Variants in AAK1 observed in about 807,000 individuals in gnomAD.
AAK1 encodes AP2-associated protein kinase 1.
A neutral mutation model predicts 116.0 loss-of-function variants in AAK1; 37 were observed. The ratio of observed to expected loss-of-function variants is 0.32; its 90% CI spans 0.25 to 0.42. AAK1 has a LOEUF of 0.42. AAK1 is among the 10% of genes least tolerant of loss of function. AAK1 has a pLI of 1.00. For synonymous variants in AAK1, 458 were observed against 439.9 expected, an observed-to-expected ratio of 1.04 and a Z score of -0.51; for missense variants, 919 against 1,170.6, an observed-to-expected ratio of 0.79 and a Z score of 3.14.
intron 13 of AAK1, 133 bp from the exon 14 acceptor site, chr2:69,509,593 TTATCAATAATGCCCA>T (rs1287973428): frequency 2.8e-6 from 2 of 722,062 alleles, no homozygotes; most frequent in African/African-American, 3.6e-5. Context: ...ATGGCTAAGT[TTATCAATAATGCCCA>T]GAAAGAAAAA....
chr2:69,478,936 G>A lies in AAK1; in HGVS notation c.2680+15C>T, dbSNP rs1572878306. ...CTAAGGACACATGTGGGCCTGAGAA[G>A]AAGAAAGCATTTACCTTTATGGACT... On this transcript the variant is annotated intron_variant, in intron 20 of 21. Coordinates refer to ENST00000409085, the MANE Select transcript of AAK1 (RefSeq NM_014911.5). The A allele has an allele frequency of 6.3e-7, 1 of 1,587,496 alleles. No homozygotes were observed. Among genetic ancestry groups the A allele is most frequent in the East Asian group, 2.2e-5 (1 of 44,740 alleles).
intron 3 of AAK1, among the ~76,000 whole-genome samples, chr2:69,549,083 G>T (rs1178959550): frequency 1.3e-5 from 2 of 151,848 alleles, no homozygotes; most frequent in African/African-American, 2.4e-5. Flanking sequence ...TTCTAAACAG[G>T]TAAGGCTGGG....
intron 9 of AAK1, 139 bp from the exon 10 acceptor site, chr2:69,525,251 C>T (rs1669974586): frequency 1.3e-6 from 1 of 761,960 alleles, no homozygotes; most frequent in Non-Finnish European, 2.1e-6. Context: ...AGGCCCTGAG[C>T]TCTGTCTGGT....
At chr2:69,553,594 C>A (rs982596464) in intron 3 of AAK1, among the ~76,000 whole-genome samples, 3 of 151,744 alleles carry the variant, frequency 2.0e-5, no homozygotes, top group African/African-American at 7.3e-5. Context: ...CAGGCACGCA[C>A]TGCCATGCCC....
At chr2:69,489,127 C>T (rs957616565) in intron 17 of AAK1, among the ~76,000 whole-genome samples, 2 of 150,910 alleles carry the variant, frequency 1.3e-5, no homozygotes, top group Admixed American at 6.6e-5. Context: ...ATTACAGGAG[C>T]GAGCCACCAT....
intron 2 of AAK1, among the ~76,000 whole-genome samples, chr2:69,582,410 C>T (rs1044631008): frequency 1.3e-5 from 2 of 151,894 alleles, no homozygotes; most frequent in South Asian, 2.1e-4. Flanking sequence ...TGTGTGTGCG[C>T]GTGTGTGTGC....
chr2:69,505,131 ACACC>A (rs1462266453), intron 16 of AAK1, among the ~76,000 whole-genome samples: 1,131 of 98,858 alleles, frequency 0.011, 21 homozygotes, highest in African/African-American at 0.041. Context: ...GTGCGCACAC[ACACC>A]CACACACACA....
chr2:69,591,004 C>T (rs968249625), intron 2 of AAK1, among the ~76,000 whole-genome samples: 1 of 152,012 alleles, frequency 6.6e-6, no homozygotes, highest in Non-Finnish European at 1.5e-5. Flanking sequence ...AAGTTTTTTG[C>T]GAACAGATTT....
At chr2:69,575,792 G>A (rs1358080958) in intron 2 of AAK1, among the ~76,000 whole-genome samples, 1 of 152,148 alleles carries the variant, frequency 6.6e-6, no homozygotes, top group Non-Finnish European at 1.5e-5. Flanking sequence ...TTTAAATAAA[G>A]ACAGGATCAG....
At chr2:69,626,953 A>C (rs1674930749) in intron 2 of AAK1, among the ~76,000 whole-genome samples, 1 of 152,006 alleles carries the variant, frequency 6.6e-6, no homozygotes, top group Non-Finnish European at 1.5e-5. Context: ...GGCACTCACT[A>C]TTCTAGACAC....
chr2:69,605,454 G>T (rs1049226841), intron 2 of AAK1, among the ~76,000 whole-genome samples: 4 of 152,046 alleles, frequency 2.6e-5, no homozygotes, highest in Non-Finnish European at 4.4e-5. Context: ...TTTGAATTAA[G>T]TATAGATTCA....
At chr2:69,492,346 T>TG (rs1296126242) in intron 17 of AAK1, among the ~76,000 whole-genome samples, 1 of 151,670 alleles carries the variant, frequency 6.6e-6, no homozygotes, top group Non-Finnish European at 1.5e-5. Context: ...CCTGAGTGCC[T>TG]GGGATTATAG....
intron 2 of AAK1, among the ~76,000 whole-genome samples, chr2:69,609,061 A>G (rs1383721121): frequency 6.6e-6 from 1 of 152,210 alleles, no homozygotes; most frequent in Admixed American, 6.5e-5. Context: ...TACAGGTTCA[A>G]TGCCATCCCA....
chr2:69,576,569 C>G (rs1187911946), intron 2 of AAK1, among the ~76,000 whole-genome samples: 1 of 152,132 alleles, frequency 6.6e-6, no homozygotes, highest in South Asian at 2.1e-4. Flanking sequence ...TCATTTAGCT[C>G]CCACTTACAA....
chr2:69,634,292 T>C (rs1675353849), intron 2 of AAK1, among the ~76,000 whole-genome samples: 1 of 152,242 alleles, frequency 6.6e-6, no homozygotes, highest in Non-Finnish European at 1.5e-5. Context: ...CATTCACTGC[T>C]ACTTCTTGCC....
At position 69,567,802 on chromosome 2, in the gene AAK1, G is replaced by A. The variant is rs553812641; in HGVS notation, c.164-10824C>T. ...GTGGAACTTTAAGGGGAGCTTCACA[G>A]AAATCTCTCTGCTGTCACAATAATA... On this transcript the variant is annotated intron_variant, in intron 2 of 21. Coordinates refer to ENST00000409085, the MANE Select transcript of AAK1 (RefSeq NM_014911.5). Among the ~76,000 whole-genome samples the A allele has an allele frequency of 9.8e-5, 15 of 152,302 alleles. No individual in the cohort carries two copies. The South Asian group carries it at 3.1e-3, about 32-fold the overall frequency.
At chr2:69,562,236 C>A (rs1009050198) in intron 2 of AAK1, among the ~76,000 whole-genome samples, 6 of 152,246 alleles carry the variant, frequency 3.9e-5, no homozygotes, top group Non-Finnish European at 7.3e-5. Flanking sequence ...TCCTTACCAA[C>A]ACTTGGTGCT....
intron 2 of AAK1, among the ~76,000 whole-genome samples, chr2:69,622,710 G>C (rs1342301526): frequency 6.6e-6 from 1 of 152,122 alleles, no homozygotes; most frequent in Non-Finnish European, 1.5e-5. Context: ...CTGAGGGATT[G>C]TAAATACACC....
At chr2:69,488,654 C>G (rs1018713535) in intron 17 of AAK1, among the ~76,000 whole-genome samples, 2 of 152,148 alleles carry the variant, frequency 1.3e-5, no homozygotes, top group South Asian at 4.1e-4. Flanking sequence ...GTCACCAAGC[C>G]ACAGGTGCCT....
Sources: gnomAD v4.1 joint callset for allele counts (sites outside exome capture counted in the v4.1 genomes callset) on GRCh38, gnomAD v4.1.1 for gene constraint, MANE v1.5 for transcripts, NCBI Gene and HGNC (gene_info 2026-07-23, HGNC 2026-07-21) for gene names.